The following DPP10 variants were observed in gnomAD, a reference collection of about 807,000 sequenced individuals.
The protein encoded by DPP10 is dipeptidyl peptidase like 10.
In DPP10, 33 loss-of-function variants were observed where a neutral mutation model predicts 120.9. The ratio of observed to expected loss-of-function variants is 0.27; its 90% CI spans 0.21 to 0.37. DPP10 has a LOEUF of 0.37. Ranked by LOEUF, DPP10 falls within the 10% of genes least tolerant of loss-of-function variation. The pLI is 1.00. For synonymous variants in DPP10, 337 were observed against 326.1 expected (o/e 1.03, Z -0.36); for missense variants, 816 against 942.8 (o/e 0.87, Z 1.76).
chr2:114,453,343 G>A (rs545292703), intron 1 of DPP10, among the ~76,000 whole-genome samples: 5 of 152,048 alleles, frequency 3.3e-5, no homozygotes, highest in East Asian at 1.9e-4. Flanking sequence ...AAGAAGTCTC[G>A]TCTCCTTTCA....
chr2:114,534,625 C>T (rs1162071844), intron 1 of DPP10, among the ~76,000 whole-genome samples: 2 of 152,120 alleles, frequency 1.3e-5, no homozygotes, highest in African/African-American at 4.8e-5. Context: ...TACATAGTTA[C>T]TTATTTCCTT....
intron 1 of DPP10, among the ~76,000 whole-genome samples, chr2:114,541,842 C>T (rs986886527): frequency 6.6e-6 from 1 of 151,894 alleles, no homozygotes; most frequent in Non-Finnish European, 1.5e-5. Flanking sequence ...TTTAAAATGT[C>T]ACAGAAAAAG....
intron 1 of DPP10, among the ~76,000 whole-genome samples, chr2:114,702,673 T>G (rs941918674): frequency 2.6e-5 from 4 of 152,136 alleles, no homozygotes; most frequent in African/African-American, 9.7e-5. Flanking sequence ...CTTGTCATAT[T>G]CAACGCTGAT....
intron 1 of DPP10, among the ~76,000 whole-genome samples, chr2:114,982,594 A>AT (rs980221614): frequency 1.3e-5 from 2 of 151,202 alleles, no homozygotes; most frequent in South Asian, 2.1e-4. Context: ...TCAAATATAC[A>AT]TTTTTTTCTT....
At chr2:115,299,647 A>G (rs1296268607) in intron 1 of DPP10, among the ~76,000 whole-genome samples, 1 of 152,056 alleles carries the variant, frequency 6.6e-6, no homozygotes, top group African/African-American at 2.4e-5. Flanking sequence ...TATAAAATAG[A>G]ACTAATGTGT....
intron 1 of DPP10, among the ~76,000 whole-genome samples, chr2:115,300,998 G>A (rs769405287): frequency 6.6e-6 from 1 of 151,940 alleles, no homozygotes; most frequent in Non-Finnish European, 1.5e-5. Flanking sequence ...TAAATAGCCC[G>A]GTATGAAAGT....
chr2:115,553,103 G>T (rs1156506031), intron 5 of DPP10, among the ~76,000 whole-genome samples: 1 of 152,048 alleles, frequency 6.6e-6, no homozygotes, highest in Non-Finnish European at 1.5e-5. Flanking sequence ...AAGCAACTCA[G>T]ATTAATTTAA....
intron 4 of DPP10, among the ~76,000 whole-genome samples, chr2:115,506,324 G>A (rs2076940142): frequency 6.6e-6 from 1 of 152,046 alleles, no homozygotes; most frequent in African/African-American, 2.4e-5. Context: ...AACATTAAAT[G>A]ATAATGACAG....
At chr2:115,543,085 C>A (rs917758965) in intron 5 of DPP10, among the ~76,000 whole-genome samples, 7 of 151,756 alleles carry the variant, frequency 4.6e-5, no homozygotes, top group African/African-American at 1.5e-4. Context: ...TTTGTGAAAA[C>A]CTCAGTTGGG....
At chr2:115,351,588 A>G (rs1384702130) in intron 3 of DPP10, among the ~76,000 whole-genome samples, 2 of 152,128 alleles carry the variant, frequency 1.3e-5, no homozygotes, top group African/African-American at 2.4e-5. Context: ...AAATAATGAC[A>G]TACCTAGTTC....
chr2:115,105,251 A>T (rs2048890644), intron 1 of DPP10, among the ~76,000 whole-genome samples: 1 of 152,124 alleles, frequency 6.6e-6, no homozygotes, highest in South Asian at 2.1e-4. Flanking sequence ...TCTGTTTTGC[A>T]TTGCTATAAA....
At chr2:114,593,908 C>T (rs777891558) in intron 1 of DPP10, among the ~76,000 whole-genome samples, 1 of 152,088 alleles carries the variant, frequency 6.6e-6, no homozygotes, top group Non-Finnish European at 1.5e-5. Flanking sequence ...CTGTTTGCTG[C>T]GGTTGTGATC....
At chr2:114,584,543 C>G (rs563011169) in intron 1 of DPP10, among the ~76,000 whole-genome samples, 1 of 103,890 alleles carries the variant, frequency 9.6e-6, no homozygotes, top group African/African-American at 3.7e-5. Context: ...TATCCCTCCC[C>G]CCTCCCCCCA....
At chr2:114,639,985 C>T (rs1246878475) in intron 1 of DPP10, among the ~76,000 whole-genome samples, 1 of 151,600 alleles carries the variant, frequency 6.6e-6, no homozygotes, top group Non-Finnish European at 1.5e-5. Context: ...TTCACTGTTT[C>T]TAAAGCAATT....
chr2:114,539,949 T>C (rs1325483587), intron 1 of DPP10, among the ~76,000 whole-genome samples: 1 of 152,180 alleles, frequency 6.6e-6, no homozygotes, highest in Non-Finnish European at 1.5e-5. Context: ...ACATTGCAGG[T>C]AATGATAATT....
chr2:115,104,921 GCT>G (rs1559100491), intron 1 of DPP10, among the ~76,000 whole-genome samples: 3 of 151,878 alleles, frequency 2.0e-5, no homozygotes, highest in Admixed American at 6.6e-5. Context: ...CAGGAGAATT[GCT>G]TGAACCCAGG....
chr2:115,185,719 G>A (rs898249194), intron 1 of DPP10, among the ~76,000 whole-genome samples: 1 of 152,012 alleles, frequency 6.6e-6, no homozygotes, highest in African/African-American at 2.4e-5. Context: ...TATCCAATTC[G>A]GCATAGATGG....
At chr2:114,796,080 C>A (rs1398731667) in intron 1 of DPP10, among the ~76,000 whole-genome samples, 2 of 152,146 alleles carry the variant, frequency 1.3e-5, no homozygotes, top group Admixed American at 6.5e-5. Flanking sequence ...TCACCTCCTC[C>A]TGAGCAGTTT....
intron 14 of DPP10, among the ~76,000 whole-genome samples, chr2:115,777,510 T>C (rs2421339): frequency 0.97 from 147,455 of 152,168 alleles, 71,652 homozygotes; most frequent in East Asian, 1. Flanking sequence ...CACACACATA[T>C]ACTCACACAC....
Sources: allele counts gnomAD v4.1 joint callset (sites outside exome capture counted in the v4.1 genomes callset), GRCh38; gene constraint gnomAD v4.1.1; transcripts MANE v1.5; gene names NCBI Gene and HGNC (gene_info 2026-07-23, HGNC 2026-07-21).